CYP20A1: variants seen among roughly 807,000 people sequenced by gnomAD.
The protein encoded by CYP20A1 is cytochrome P450 20A1.
Under a neutral mutation model 61.4 loss-of-function variants are expected in CYP20A1, and 61 were observed. The ratio of observed to expected loss-of-function variants is 0.99; its 90% CI spans 0.81 to 1.23. The LOEUF (loss-of-function observed/expected upper bound fraction) is 1.23, where lower values mean the gene tolerates loss of function less well. CYP20A1 is among the 50% of genes most tolerant of loss of function. The pLI is 0.00. For synonymous variants in CYP20A1, 193 were observed against 188.2 expected (o/e 1.03, Z -0.21); for missense variants, 530 against 542.4 (o/e 0.98, Z 0.23).
In CYP20A1 at chr2:203,303,175, A is replaced by ATT. The variant is rs1360707276; in HGVS notation, c.*6275_*6276dup. On this transcript the variant is annotated 3_prime_UTR_variant, in exon 13 of 13. Transcript: ENST00000356079. ...GCCACTACACTCAGCTAATTTTTGT[A>ATT]TTTTTTTTTAGTAGAGACAGGGTTT... is the stretch of plus-strand genomic sequence containing the variant. 7.0e-6 allele frequency among the ~76,000 whole-genome samples: 1 copy of ATT among 143,366 alleles called. No individual in the cohort carries two copies. Among genetic ancestry groups the ATT allele is most frequent in the African/African-American group, 2.6e-5 (1 of 38,524 alleles). The allele number at this position is 143,366 out of a possible 152,430, so 94.1% of individuals were successfully genotyped here.
At position 203,255,598 on chromosome 2, in the gene CYP20A1, A is replaced by G. The variant is rs550384147; in HGVS notation, c.432+3489A>G. On this transcript the variant is annotated intron_variant, in intron 4 of 12. Transcript: ENST00000356079. ...TCATGGACTGCACTGGATTCCATGA[A>G]CAGACCCTTTGGTATCTGTGGACTC... 2.0e-5 allele frequency among the ~76,000 whole-genome samples: 3 copies of G among 152,290 alleles called. No homozygotes were observed. The South Asian group carries it at 6.2e-4, about 32-fold the overall frequency.
chr2:203,261,042 G>T (rs1284981294), intron 4 of CYP20A1, among the ~76,000 whole-genome samples: 1 of 151,720 alleles, frequency 6.6e-6, no homozygotes, highest in Non-Finnish European at 1.5e-5. Flanking sequence ...GAGAGAGAAG[G>T]CATATAATTA....
rs1162821425 is a variant in CYP20A1, at chr2:203,303,715, GA to G, written c.*6812del. Among the ~76,000 whole-genome samples, 1 of 151,432 alleles carries G rather than the reference GA, an allele frequency of 6.6e-6. No individual in the cohort carries two copies. Among genetic ancestry groups the G allele is most frequent in the Non-Finnish European group, 1.5e-5 (1 of 67,858 alleles). ...TCTCAACCAAGAAAAAAGAAAAAAA[GA>G]AAAAGAAAACTTAACTGGCCTTTGG... On this transcript the variant is annotated 3_prime_UTR_variant, in exon 13 of 13. Coordinates refer to ENST00000356079, the MANE Select transcript of CYP20A1 (RefSeq NM_177538.3).
At chr2:203,266,798 T>C in intron 5 of CYP20A1, 117 bp downstream of exon 5, 1 of 818,424 alleles carries the variant, frequency 1.2e-6, no homozygotes, top group South Asian at 1.7e-5. Flanking sequence ...CTGCCCCACA[T>C]GGTAAAAACG....
intron 4 of CYP20A1, among the ~76,000 whole-genome samples, chr2:203,265,237 C>A (rs757971395): frequency 6.6e-6 from 1 of 152,080 alleles, no homozygotes; most frequent in Non-Finnish European, 1.5e-5. Context: ...GTGGCTTTTA[C>A]CTCTAGATGC....
At chr2:203,266,106 A>G (rs1397355027) in intron 4 of CYP20A1, among the ~76,000 whole-genome samples, 1 of 152,202 alleles carries the variant, frequency 6.6e-6, no homozygotes, top group Non-Finnish European at 1.5e-5. Flanking sequence ...TCACTGAAGT[A>G]TGTTTAGGAC....
At chr2:203,288,532 T>C (rs1296189356) in intron 9 of CYP20A1, among the ~76,000 whole-genome samples, 1 of 152,156 alleles carries the variant, frequency 6.6e-6, no homozygotes, top group Non-Finnish European at 1.5e-5. Flanking sequence ...TCTGAACCCC[T>C]TTGATGATGT....
Position 203,299,629 on chromosome 2 carries a change from C to T in CYP20A1, c.*2721C>T, listed in dbSNP as rs1364265513. ...ATGGCTCATGCCTGTAATCCCAGCA[C>T]TTTGGGAGGCCGAGGCAGGCAGATC... On this transcript the variant is annotated 3_prime_UTR_variant, in exon 13 of 13. Coordinates refer to ENST00000356079, the MANE Select transcript of CYP20A1 (RefSeq NM_177538.3). 2.0e-5 allele frequency among the ~76,000 whole-genome samples: 3 copies of T among 152,106 alleles called. No individual in the cohort carries two copies. The highest frequency in any genetic ancestry group is 2.9e-5 in the Non-Finnish European group (2 of 68,032).
At chr2:203,250,831 G>A (rs893563878) in intron 3 of CYP20A1, among the ~76,000 whole-genome samples, 4 of 152,006 alleles carry the variant, frequency 2.6e-5, no homozygotes, top group African/African-American at 7.2e-5. Flanking sequence ...TTGGGAGGCC[G>A]AGGCGGGCGG....
rs141975847 is a variant in CYP20A1, at chr2:203,252,055, G to A, written c.378G>A (p.Leu126=). 6.1e-5 allele frequency: 99 copies of A among 1,610,778 alleles called. No homozygotes were observed. The African/African-American group carries it at 1.2e-3, about 20-fold the overall frequency. The change falls in exon 4 of 13, where the codon TTG becomes TTA. Residue 126 remains leucine (L), a synonymous_variant. Coordinates refer to ENST00000356079, the MANE Select transcript of CYP20A1 (RefSeq NM_177538.3). ...SVSENHMRKK[L]YENGVTDSLK... is the part of the protein sequence containing the mutation. ...GTGAAAACCACATGAGGAAAAAATT[G>A]TATGAAAATGGTGTGACTGATTCTC...
At chr2:203,293,796 TA>T (rs1170096477) in intron 11 of CYP20A1, among the ~76,000 whole-genome samples, 1 of 152,134 alleles carries the variant, frequency 6.6e-6, no homozygotes, top group Non-Finnish European at 1.5e-5. Flanking sequence ...TTCCCTTTTT[TA>T]AAAATTCAGA....
At position 203,303,556 on chromosome 2, in the gene CYP20A1, G is replaced by A. The variant is rs1559113844; in HGVS notation, c.*6648G>A. Among the ~76,000 whole-genome samples, 1 of 151,902 alleles carries A rather than the reference G, an allele frequency of 6.6e-6. No individual in the cohort carries two copies. Among genetic ancestry groups the A allele is most frequent in the East Asian group, 2.0e-4 (1 of 5,104 alleles). ...ACTAAAAATACCAAAAGTAGCGGGC[G>A]TGGTGACAGGTGCCTCTAATCCCAG... On this transcript the variant is annotated 3_prime_UTR_variant, in exon 13 of 13. Coordinates refer to ENST00000356079, the MANE Select transcript of CYP20A1 (RefSeq NM_177538.3).
At chr2:203,284,670 G>A (rs1277072173) in intron 8 of CYP20A1, among the ~76,000 whole-genome samples, 1 of 150,068 alleles carries the variant, frequency 6.7e-6, no homozygotes, top group East Asian at 2.0e-4. Flanking sequence ...CAAACCTACT[G>A]AACCAGAATT....
At position 203,297,220 on chromosome 2, in the gene CYP20A1, G is replaced by GA. The variant is rs960379349; in HGVS notation, c.*317dup. On this transcript the variant is annotated 3_prime_UTR_variant, in exon 13 of 13. Transcript: ENST00000356079. Reference sequence around the variant, plus strand: ...TGTGAGCTCTAAAATCAATGTTCTTGAAAAAGAAATTATTTTGCAGAAGTT... The same window carrying GA: ...TGTGAGCTCTAAAATCAATGTTCTTGAAAAAAGAAATTATTTTGCAGAAGTT... 2 of 187,816 alleles carry GA rather than the reference G, an allele frequency of 1.1e-5. No individual in the cohort carries two copies. The highest frequency in any genetic ancestry group is 4.8e-5 in the African/African-American group (2 of 41,854). 11.6% of individuals were successfully genotyped at this position (187,816 alleles called of 1,614,324 possible).
Position 203,296,889 on chromosome 2 carries a change from C to G in CYP20A1, c.1370C>G (p.Thr457Ser). 6.3e-7 allele frequency: 1 copy of G among 1,592,052 alleles called. No homozygotes were observed. The highest frequency in any genetic ancestry group is 1.4e-5 in the African/African-American group (1 of 74,024). The part of the protein sequence containing the change: ...VTSSREEAWI[T>S]VSKRY ...TCATCAAGGGAAGAAGCTTGGATCA[C>G]TGTCTCAAAGAGATATTAAAATTTT... The change falls in exon 13 of 13, where the codon ACT (threonine) becomes AGT (serine). Residue 457 changes from threonine (T) to serine (S), a missense_variant. Coordinates refer to ENST00000356079, the MANE Select transcript of CYP20A1 (RefSeq NM_177538.3).
chr2:203,294,941 ATTTTTTTTTTTTT>A (rs1167546590), intron 11 of CYP20A1, among the ~76,000 whole-genome samples: 467 of 45,472 alleles, frequency 0.01, 10 homozygotes, highest in African/African-American at 0.036. Flanking sequence ...CTTTAAAAAA[ATTTTTTTTTTTTT>A]TTTTTTTTTT....
chr2:203,291,682 GA>G (rs1158947986), intron 10 of CYP20A1, among the ~76,000 whole-genome samples: 10 of 151,594 alleles, frequency 6.6e-5, no homozygotes, highest in Admixed American at 3.9e-4. Context: ...ACTGGATGCA[GA>G]TTTTTTTTTT....
At chr2:203,284,021 A>G (rs1575252906) in intron 8 of CYP20A1, among the ~76,000 whole-genome samples, 1 of 152,194 alleles carries the variant, frequency 6.6e-6, no homozygotes, top group East Asian at 1.9e-4. Flanking sequence ...GCAATTCTAC[A>G]GTTCACTCAG....
intron 4 of CYP20A1, among the ~76,000 whole-genome samples, chr2:203,263,489 C>T (rs565674854): frequency 6.6e-6 from 1 of 152,010 alleles, no homozygotes; most frequent in Non-Finnish European, 1.5e-5. Context: ...TGGGTTTCAC[C>T]ATGTTGGCCA....
Sources: gnomAD v4.1 joint callset for allele counts (sites outside exome capture counted in the v4.1 genomes callset) on GRCh38, gnomAD v4.1.1 for gene constraint, MANE v1.5 for transcripts, NCBI Gene and HGNC (gene_info 2026-07-23, HGNC 2026-07-21) for gene names.